The following KATNIP variants were observed in gnomAD, a reference collection of about 807,000 sequenced individuals.
KATNIP encodes katanin-interacting protein.
A neutral mutation model predicts 174.0 loss-of-function variants in KATNIP; 126 were observed. That is an observed-to-expected ratio of 0.72 (90% CI 0.63 to 0.84). KATNIP has a LOEUF of 0.84. Ranked by LOEUF, KATNIP falls within the 40% of genes least tolerant of loss-of-function variation. The pLI, the probability that KATNIP is intolerant of heterozygous loss-of-function variation, is 0.00. For synonymous variants in KATNIP, 810 were observed against 835.7 expected (o/e 0.97, Z 0.53); for missense variants, 1,958 against 2,109.7 (o/e 0.93, Z 1.41).
intron 19 of KATNIP, among the ~76,000 whole-genome samples, chr16:27,762,749 T>G (rs1008426614): frequency 1.3e-5 from 2 of 152,216 alleles, no homozygotes; most frequent in African/African-American, 4.8e-5. Flanking sequence ...TATCATTAAC[T>G]GCTCATGGGC....
chr16:27,661,431 G>C (rs376878103), intron 6 of KATNIP, among the ~76,000 whole-genome samples: 1 of 151,876 alleles, frequency 6.6e-6, no homozygotes, highest in African/African-American at 2.4e-5. Context: ...TCACTCTGTC[G>C]CCCAGGCTGG....
At chr16:27,558,552 G>A (rs547880232) in intron 1 of KATNIP, among the ~76,000 whole-genome samples, 1 of 152,338 alleles carries the variant, frequency 6.6e-6, no homozygotes, top group South Asian at 2.1e-4. Flanking sequence ...CAACATGGGA[G>A]TCCTTAGAAG....
intron 2 of KATNIP, among the ~76,000 whole-genome samples, chr16:27,611,340 A>C (rs962749885): frequency 6.6e-6 from 1 of 152,142 alleles, no homozygotes; most frequent in Non-Finnish European, 1.5e-5. Flanking sequence ...GGGTTCTCAC[A>C]CCTTTGCTGG....
At chr16:27,731,419 A>G (rs1364770162) in intron 14 of KATNIP, among the ~76,000 whole-genome samples, 1 of 152,204 alleles carries the variant, frequency 6.6e-6, no homozygotes, top group African/African-American at 2.4e-5. Context: ...TTTCTTGCAT[A>G]TGTGGCAAGC....
intron 1 of KATNIP, among the ~76,000 whole-genome samples, chr16:27,551,768 T>G (rs919689435): frequency 6.6e-6 from 1 of 151,990 alleles, no homozygotes; most frequent in African/African-American, 2.4e-5. Flanking sequence ...TCCCAGCTAC[T>G]TGGAAGGCTG....
At chr16:27,768,092 T>TG (rs71387800) in intron 20 of KATNIP, among the ~76,000 whole-genome samples, 5 of 145,600 alleles carry the variant, frequency 3.4e-5, no homozygotes, top group Admixed American at 2.7e-4. Context: ...GAGGTGGGGG[T>TG]GGGGGGGAAT....
intron 2 of KATNIP, among the ~76,000 whole-genome samples, chr16:27,587,734 TCA>T (rs1431023339): frequency 1.3e-5 from 2 of 152,200 alleles, no homozygotes; most frequent in African/African-American, 4.8e-5. Context: ...AGTACTGTAC[TCA>T]AAGTGAAAAA....
chr16:27,641,533 G>A (rs2076798579), intron 5 of KATNIP, among the ~76,000 whole-genome samples: 1 of 152,060 alleles, frequency 6.6e-6, no homozygotes, highest in South Asian at 2.1e-4. Flanking sequence ...TTAGGGCCCG[G>A]GCAGGAAGTG....
At chr16:27,712,681 C>T (rs1470557975) in intron 13 of KATNIP, among the ~76,000 whole-genome samples, 2 of 152,198 alleles carry the variant, frequency 1.3e-5, no homozygotes, top group South Asian at 2.1e-4. Flanking sequence ...CATCCCAGCA[C>T]AAGGCCTCAA....
intron 8 of KATNIP, among the ~76,000 whole-genome samples, chr16:27,691,032 G>A (rs2078713210): frequency 6.6e-6 from 1 of 152,170 alleles, no homozygotes; most frequent in South Asian, 2.1e-4. Context: ...TATGCCTGTG[G>A]GCTGCCGGTT....
chr16:27,615,437 C>A (rs948076493), intron 2 of KATNIP, among the ~76,000 whole-genome samples: 4 of 151,960 alleles, frequency 2.6e-5, no homozygotes, highest in Admixed American at 6.6e-5. Context: ...TCACTGCAAC[C>A]TCTGCCTCCC....
At chr16:27,630,696 C>A (rs1472991717) in intron 4 of KATNIP, among the ~76,000 whole-genome samples, 1 of 151,132 alleles carries the variant, frequency 6.6e-6, no homozygotes, top group East Asian at 1.9e-4. Flanking sequence ...ATTCATTCAG[C>A]AAAGAGATTC....
chr16:27,671,871 C>T (rs1327751461), intron 6 of KATNIP, among the ~76,000 whole-genome samples: 1 of 152,078 alleles, frequency 6.6e-6, no homozygotes, highest in Non-Finnish European at 1.5e-5. Context: ...GCCTGGCCAA[C>T]ATGGTAAAAC....
intron 10 of KATNIP, among the ~76,000 whole-genome samples, chr16:27,701,134 G>T (rs1417870636): frequency 2.0e-5 from 3 of 152,112 alleles, no homozygotes; most frequent in Non-Finnish European, 4.4e-5. Context: ...ACAGGGGCTT[G>T]GTTGAGATGG....
chr16:27,733,990 C>G lies in KATNIP; in HGVS notation c.1744-6051C>G, dbSNP rs375401081. Among the ~76,000 whole-genome samples, 19 of 152,214 alleles carry G rather than the reference C, an allele frequency of 1.2e-4. No homozygotes were observed. In the East Asian group the frequency reaches 2.3e-3, roughly 19 times the overall value. ...ATGTCTTGAAGAACTGGAACCCACA[C>G]ACATACGCACACCCACCACCCAGTG... On this transcript the variant is annotated intron_variant, in intron 14 of 27. Coordinates refer to ENST00000261588, the MANE Select transcript of KATNIP (RefSeq NM_015202.5).
chr16:27,579,313 G>C (rs1424658541), intron 2 of KATNIP, among the ~76,000 whole-genome samples: 1 of 152,202 alleles, frequency 6.6e-6, no homozygotes, highest in Non-Finnish European at 1.5e-5. Flanking sequence ...GAGGGCTGCA[G>C]TTCAGGTCCT....
chr16:27,587,991 A>G (rs1313322781), intron 2 of KATNIP, among the ~76,000 whole-genome samples: 1 of 150,394 alleles, frequency 6.6e-6, no homozygotes, highest in Non-Finnish European at 1.5e-5. Flanking sequence ...ACACGGCTCA[A>G]GTGATCCTCT....
intron 1 of KATNIP, among the ~76,000 whole-genome samples, chr16:27,570,866 A>G (rs2090265061): frequency 6.6e-6 from 1 of 152,218 alleles, no homozygotes; most frequent in Non-Finnish European, 1.5e-5. Flanking sequence ...GACAGTATAT[A>G]CGGTGAGAAA....
intron 13 of KATNIP, among the ~76,000 whole-genome samples, chr16:27,717,253 G>A (rs1474884880): frequency 6.6e-6 from 1 of 152,132 alleles, no homozygotes; most frequent in African/African-American, 2.4e-5. Flanking sequence ...TGTGTCAATA[G>A]TTTGTTCCTT....
Sources: gnomAD v4.1 joint callset for allele counts (sites outside exome capture counted in the v4.1 genomes callset) on GRCh38, gnomAD v4.1.1 for gene constraint, MANE v1.5 for transcripts, NCBI Gene and HGNC (gene_info 2026-07-23, HGNC 2026-07-21) for gene names.